The following AUNIP variants were observed in gnomAD, a reference collection of about 807,000 sequenced individuals.
AUNIP encodes the protein aurora kinase A and ninein interacting protein, also known as aurora kinase A- and ninein-interacting protein.
AUNIP carries 16 observed loss-of-function variants against 12.2 expected under a neutral mutation model. That is an observed-to-expected ratio of 1.31 (90% CI 0.88 to 1.99). The LOEUF is 1.99. Among genes scored for constraint, AUNIP ranks in the 30% most tolerant of loss-of-function variants. AUNIP has a pLI of 0.00. For synonymous variants in AUNIP, 142 were observed against 154.8 expected, an observed-to-expected ratio of 0.92 and a Z score of 0.61; for missense variants, 411 against 419.1, an observed-to-expected ratio of 0.98 and a Z score of 0.17.
At chr1:25,838,631 C>T (rs184668369) in intron 1 of AUNIP, among the ~76,000 whole-genome samples, 93 of 152,252 alleles carry the variant, frequency 6.1e-4, no homozygotes, top group South Asian at 8.3e-4. Flanking sequence ...GGAACAGCAC[C>T]AGTCTCACTA....
chr1:25,834,836 A>G lies in AUNIP; in HGVS notation c.*157T>C. On this transcript the variant is annotated 3_prime_UTR_variant, in exon 3 of 3. Transcript: ENST00000374298. Reference sequence around the variant, plus strand: ...CCAATCCCACTGTCTTAACAATGGTACTGCCCTTTATTTACACAGAGAAGA... The same window carrying G: ...CCAATCCCACTGTCTTAACAATGGTGCTGCCCTTTATTTACACAGAGAAGA... 1 of 1,465,548 alleles carries G rather than the reference A, an allele frequency of 6.8e-7. No homozygotes were observed. The highest frequency in any genetic ancestry group is 9.0e-7 in the Non-Finnish European group (1 of 1,116,524). The allele number at this position is 1,465,548 out of a possible 1,614,324, so 90.8% of individuals were successfully genotyped here.
downstream of AUNIP, chr1:25,833,088 C>G (rs2048267617): frequency 6.6e-6 from 1 of 152,066 alleles, no homozygotes; most frequent in South Asian, 2.1e-4. Flanking sequence ...GGGGTTTCTT[C>G]CCCCTTTCTG....
Position 25,834,431 on chromosome 1 carries a change from T to G in AUNIP, c.*562A>C, listed in dbSNP as rs1206871062. On this transcript the variant is annotated 3_prime_UTR_variant, in exon 3 of 3. Coordinates refer to ENST00000374298, the MANE Select transcript of AUNIP (RefSeq NM_024037.3). ...GAGATGGAGACCATCCTGGCTAATATGGTGAAACCTCGTCTCTACTAAAAA... is the reference window on the plus strand; with the variant it reads ...GAGATGGAGACCATCCTGGCTAATAGGGTGAAACCTCGTCTCTACTAAAAA... 1 of 838,084 alleles carries G rather than the reference T, an allele frequency of 1.2e-6. No homozygotes were observed. The highest frequency in any genetic ancestry group is 1.4e-6 in the Non-Finnish European group (1 of 696,074). 51.9% of individuals were successfully genotyped at this position (838,084 alleles called of 1,614,324 possible).
At position 25,859,438 on chromosome 1, in the gene AUNIP, C is replaced by T. The variant is rs925687172; in HGVS notation, c.-81G>A. 6 of 1,300,570 alleles carry T rather than the reference C, an allele frequency of 4.6e-6. No individual in the cohort carries two copies. In the East Asian group the frequency reaches 1.8e-4, roughly 40 times the overall value. 80.6% of individuals were successfully genotyped at this position (1,300,570 alleles called of 1,614,324 possible). ...GGAACGCCAGAACCGCGGCCGCCGA[C>T]GTTCGGATCTCGCGCCAACGCTGGG... is the stretch of plus-strand genomic sequence containing the variant. On this transcript the variant is annotated 5_prime_UTR_variant, in exon 1 of 3. Transcript: ENST00000374298.
In AUNIP at chr1:25,859,433, G is replaced by C; in HGVS notation, c.-76C>G. 7.5e-7 allele frequency: 1 copy of C among 1,328,602 alleles called. No individual in the cohort carries two copies. 82.3% of individuals were successfully genotyped at this position (1,328,602 alleles called of 1,614,324 possible). On this transcript the variant is annotated 5_prime_UTR_variant, in exon 1 of 3. Coordinates refer to ENST00000374298, the MANE Select transcript of AUNIP (RefSeq NM_024037.3). ...CTCAGGGAACGCCAGAACCGCGGCC[G>C]CCGACGTTCGGATCTCGCGCCAACG...
chr1:25,834,073 G>C lies in AUNIP; in HGVS notation c.*920C>G. 2.0e-6 allele frequency: 2 copies of C among 985,334 alleles called. No homozygotes were observed. Among genetic ancestry groups the C allele is most frequent in the Non-Finnish European group, 2.4e-6 (2 of 829,854 alleles). The allele number at this position is 985,334 out of a possible 1,614,324, so 61.0% of individuals were successfully genotyped here. ...GATTCCCTCCTATCTTGTGGGAAAA[G>C]GGTAACAGAGTCACATCCAGATTGT... is the stretch of plus-strand genomic sequence containing the variant. On this transcript the variant is annotated 3_prime_UTR_variant, in exon 3 of 3. Coordinates refer to ENST00000374298, the MANE Select transcript of AUNIP (RefSeq NM_024037.3).
rs1553125050 is a variant in AUNIP, at chr1:25,859,387, G to GCCGACGCAGGCTC, written c.-31_-30insGAGCCTGCGTCGG. On this transcript the variant is annotated 5_prime_UTR_variant, in exon 1 of 3. Coordinates refer to ENST00000374298, the MANE Select transcript of AUNIP (RefSeq NM_024037.3). ...GCTGAGGAGACGAAGCCGGCAGGAC[G>GCCGACGCAGGCTC]CCGGCGCAGGCTCCCGGCGCCTCAG... 2.0e-6 allele frequency: 3 copies of GCCGACGCAGGCTC among 1,481,994 alleles called. No homozygotes were observed. Among genetic ancestry groups the GCCGACGCAGGCTC allele is most frequent in the Non-Finnish European group, 2.7e-6 (3 of 1,125,424 alleles). The allele number at this position is 1,481,994 out of a possible 1,614,324, so 91.8% of individuals were successfully genotyped here.
downstream of AUNIP, chr1:25,833,004 GT>G (rs1385315443): frequency 6.6e-6 from 1 of 152,182 alleles, no homozygotes; most frequent in Non-Finnish European, 1.5e-5. Context: ...TAGGATTATT[GT>G]TAATTTTAAG....
At chr1:25,842,384 G>C (rs1270022203) in intron 1 of AUNIP, among the ~76,000 whole-genome samples, 3 of 152,218 alleles carry the variant, frequency 2.0e-5, no homozygotes, top group Non-Finnish European at 4.4e-5. Context: ...GAACGCCACA[G>C]AAGAAAAGTT....
chr1:25,834,914 A>G lies in AUNIP; in HGVS notation c.*79T>C, dbSNP rs947957310. The G allele has an allele frequency of 3.9e-6, 6 of 1,529,448 alleles. No homozygotes were observed. The highest frequency in any genetic ancestry group is 3.5e-6 in the Non-Finnish European group (4 of 1,143,804). The allele number at this position is 1,529,448 out of a possible 1,614,324, so 94.7% of individuals were successfully genotyped here. On this transcript the variant is annotated 3_prime_UTR_variant, in exon 3 of 3. Transcript: ENST00000374298. Reference sequence around the variant, plus strand: ...GCCACCTTCCCACCTAAACAAACTCACTCCTCTCTCCACCCACAACTATAT... The same window carrying G: ...GCCACCTTCCCACCTAAACAAACTCGCTCCTCTCTCCACCCACAACTATAT...
chr1:25,840,819 A>G (rs1572261672), intron 1 of AUNIP, among the ~76,000 whole-genome samples: 1 of 152,202 alleles, frequency 6.6e-6, no homozygotes. Context: ...CACATCCTAG[A>G]TATGTAAAAT....
intron 1 of AUNIP, among the ~76,000 whole-genome samples, chr1:25,841,936 TC>T (rs2048350352): frequency 6.6e-6 from 1 of 152,212 alleles, no homozygotes; most frequent in African/African-American, 2.4e-5. Flanking sequence ...ACTGTTCCAC[TC>T]ACTGGCCACT....
chr1:25,858,127 A>AC (rs1440484698), intron 1 of AUNIP, among the ~76,000 whole-genome samples: 1 of 152,216 alleles, frequency 6.6e-6, no homozygotes, highest in Non-Finnish European at 1.5e-5. Context: ...AGATTGTGTC[A>AC]CTGCACTCCA....
rs1352881085 is a variant in AUNIP at position 25,841,783 on chromosome 1, C to T, written c.79-4229G>A. ...TCGTGATCCGCCCGCCTCGGCCTCCCAAAGTGCTGAGATTACAGGCGTGAG... is the reference window on the plus strand; with the variant it reads ...TCGTGATCCGCCCGCCTCGGCCTCCTAAAGTGCTGAGATTACAGGCGTGAG... On this transcript the variant is annotated intron_variant, in intron 1 of 2. Coordinates refer to ENST00000374298, the MANE Select transcript of AUNIP (RefSeq NM_024037.3). Among the ~76,000 whole-genome samples the T allele has an allele frequency of 2.0e-5, 3 of 152,266 alleles. No homozygotes were observed. In the East Asian group the frequency reaches 5.8e-4, roughly 29 times the overall value.
At chr1:25,840,378 G>A (rs1178888869) in intron 1 of AUNIP, among the ~76,000 whole-genome samples, 1 of 152,128 alleles carries the variant, frequency 6.6e-6, no homozygotes. Context: ...GTCTTAGTGA[G>A]ATATAAAGCA....
chr1:25,837,401 G>C lies in AUNIP; in HGVS notation c.220+12C>G. 2 of 1,611,182 alleles carry C rather than the reference G, an allele frequency of 1.2e-6. No homozygotes were observed. Among genetic ancestry groups the C allele is most frequent in the Non-Finnish European group, 1.7e-6 (2 of 1,178,790 alleles). ...TCTGGATAATGAAGTATTCCCATAT[G>C]GGTCACCATACCTGGCTGCAAGGTG... On this transcript the variant is annotated intron_variant, in intron 2 of 2. Transcript: ENST00000374298.
intron 1 of AUNIP, among the ~76,000 whole-genome samples, chr1:25,859,072 T>C (rs7524354): frequency 6.6e-6 from 1 of 151,934 alleles, no homozygotes; most frequent in African/African-American, 2.4e-5. Context: ...CAGCACGCTC[T>C]TTCCTTCCGT....
rs78766448 is a variant in AUNIP at position 25,835,102 on chromosome 1, T to G, written c.965A>C (p.Asn322Thr). ...NWNWDLGPFP[N>T]SPWAQCQEDG... ...CTCCTGGCACTGAGCCCAAGGACTG[T>G]TAGGAAACGGCCCTAAGTCCCAATT... The change falls in exon 3 of 3, where the codon AAC becomes ACC. Residue 322 changes from asparagine (N) to threonine (T), a missense_variant. Asn to Thr is a moderately conservative substitution (Grantham distance 65). Transcript: ENST00000374298. 1.9e-6 allele frequency: 3 copies of G among 1,614,102 alleles called. No homozygotes were observed. The African/African-American group carries it at 4.0e-5, about 22-fold the overall frequency.
chr1:25,842,330 G>A (rs2048352492), intron 1 of AUNIP, among the ~76,000 whole-genome samples: 1 of 152,214 alleles, frequency 6.6e-6, no homozygotes, highest in Non-Finnish European at 1.5e-5. Context: ...CAGAGAGCAA[G>A]GCTTTAACTT....
Sources: gnomAD v4.1 joint callset for allele counts (sites outside exome capture counted in the v4.1 genomes callset) on GRCh38, gnomAD v4.1.1 for gene constraint, MANE v1.5 for transcripts, NCBI Gene and HGNC (gene_info 2026-07-23, HGNC 2026-07-21) for gene names.